RUNX1T1: variants seen among roughly 807,000 people sequenced by gnomAD.
The protein encoded by RUNX1T1 is RUNX1 partner transcriptional co-repressor 1.
RUNX1T1 carries 4 observed loss-of-function variants against 62.8 expected under a neutral mutation model. That is an observed-to-expected ratio of 0.06 (90% CI 0.03 to 0.15). The LOEUF (loss-of-function observed/expected upper bound fraction) is 0.15. Ranked by LOEUF, RUNX1T1 falls within the 10% of genes least tolerant of loss-of-function variation. The pLI, the probability that RUNX1T1 is intolerant of heterozygous loss-of-function variation, is 1.00. For synonymous variants in RUNX1T1, 291 were observed against 286.0 expected (o/e 1.02, Z -0.18); for missense variants, 508 against 754.3 (o/e 0.67, Z 3.82).
intron 3 of RUNX1T1, among the ~76,000 whole-genome samples, chr8:92,013,528 T>TAG (rs1186589391): frequency 2.6e-5 from 4 of 152,080 alleles, no homozygotes; most frequent in African/African-American, 9.7e-5. Context: ...TAAAAATAAA[T>TAG]AATCTATTTC....
chr8:92,032,858 T>C (rs1162814330), intron 1 of RUNX1T1, among the ~76,000 whole-genome samples: 3 of 152,010 alleles, frequency 2.0e-5, no homozygotes, highest in Non-Finnish European at 4.4e-5. Context: ...AGAACACAAA[T>C]AGAAAATGTA....
At chr8:92,009,068 CA>C (rs1054594916) in intron 4 of RUNX1T1, among the ~76,000 whole-genome samples, 1 of 152,170 alleles carries the variant, frequency 6.6e-6, no homozygotes, top group African/African-American at 2.4e-5. Flanking sequence ...CCTCCAGTTT[CA>C]AATTTAAACG....
intron 1 of RUNX1T1, among the ~76,000 whole-genome samples, chr8:92,087,208 C>A (rs1836264416): frequency 1.3e-5 from 2 of 152,146 alleles, no homozygotes; most frequent in Admixed American, 1.3e-4. Context: ...CTGAGGCACT[C>A]CACAGGACAC....
intron 1 of RUNX1T1, among the ~76,000 whole-genome samples, chr8:92,048,001 C>T (rs1301329577): frequency 1.3e-5 from 2 of 152,156 alleles, no homozygotes; most frequent in South Asian, 2.1e-4. Flanking sequence ...AATTTTTTTA[C>T]AACTCCATTG....
At chr8:92,075,095 C>T (rs1834222673) in intron 2 of RUNX1T1, among the ~76,000 whole-genome samples, 1 of 152,222 alleles carries the variant, frequency 6.6e-6, no homozygotes, top group Admixed American at 6.5e-5. Flanking sequence ...GAACAGTGGT[C>T]ACCAAGGGTG....
At chr8:92,019,174 T>C (rs1823595913) in intron 1 of RUNX1T1, 2 of 152,170 alleles carry the variant, frequency 1.3e-5, no homozygotes, top group South Asian at 4.1e-4. Flanking sequence ...CCCACTTATG[T>C]TGCAGCTGAG....
intron 1 of RUNX1T1, among the ~76,000 whole-genome samples, chr8:92,078,362 T>C (rs1175023472): frequency 1.3e-5 from 2 of 152,160 alleles, no homozygotes; most frequent in African/African-American, 2.4e-5. Flanking sequence ...CTGAGACCTA[T>C]TCCGCACTGA....
intron 7 of RUNX1T1, 87 bp downstream of exon 8, chr8:91,986,800 G>T: frequency 1.1e-6 from 1 of 872,802 alleles, no homozygotes; most frequent in East Asian, 2.4e-5. Context: ...GCCTTCAAAG[G>T]ATCACCAAGC....
intron 3 of RUNX1T1, 134 bp from the exon 5 acceptor site, chr8:92,011,225 A>G (rs139805070): frequency 1.7e-6 from 1 of 594,396 alleles, no homozygotes; most frequent in African/African-American, 1.9e-5. Context: ...CAGTATTTTC[A>G]ATAAAACCTA....
intron 1 of RUNX1T1, among the ~76,000 whole-genome samples, chr8:92,092,385 G>A (rs1231525481): frequency 1.3e-5 from 2 of 152,102 alleles, no homozygotes; most frequent in African/African-American, 4.8e-5. Flanking sequence ...TTGATTAGCA[G>A]TACTATAGAA....
intron 1 of RUNX1T1, among the ~76,000 whole-genome samples, chr8:92,020,051 G>A (rs1382361790): frequency 6.6e-6 from 1 of 152,152 alleles, no homozygotes; most frequent in African/African-American, 2.4e-5. Flanking sequence ...GCTTCACTCT[G>A]ATCAAATGGA....
intron 1 of RUNX1T1, among the ~76,000 whole-genome samples, chr8:92,062,129 G>C (rs78748539): frequency 0.01 from 1,533 of 152,262 alleles, 23 homozygotes; most frequent in African/African-American, 0.035. Context: ...TTTTTAAAGA[G>C]ATCTTATTCC....
upstream of RUNX1T1, among the ~76,000 whole-genome samples, chr8:92,066,824 A>G (rs546027690): frequency 6.6e-6 from 1 of 152,358 alleles, no homozygotes; most frequent in African/African-American, 2.4e-5. Flanking sequence ...AGTGGGATAG[A>G]GGGGGAAAGA....
chr8:92,076,847 CCTA>C (rs1834503101), intron 1 of RUNX1T1, among the ~76,000 whole-genome samples: 1 of 151,988 alleles, frequency 6.6e-6, no homozygotes, highest in Non-Finnish European at 1.5e-5. Context: ...CTATTCCTCA[CCTA>C]CTATGATTAA....
intron 1 of RUNX1T1, among the ~76,000 whole-genome samples, chr8:92,082,182 G>A (rs1835380718): frequency 6.6e-6 from 1 of 152,146 alleles, no homozygotes; most frequent in South Asian, 2.1e-4. Flanking sequence ...ACCGCGCCTG[G>A]CCTAAGTTGT....
intron 8 of RUNX1T1, among the ~76,000 whole-genome samples, chr8:91,978,273 T>C (rs890491887): frequency 6.6e-6 from 1 of 152,158 alleles, no homozygotes; most frequent in Non-Finnish European, 1.5e-5. Context: ...AGTTTGTCCA[T>C]GTCTCAGATG....
At chr8:92,051,353 C>T (rs116387379) in intron 1 of RUNX1T1, among the ~76,000 whole-genome samples, 2,178 of 152,100 alleles carry the variant, frequency 0.014, 57 homozygotes, top group African/African-American at 0.049. Flanking sequence ...AGGAGGACAA[C>T]CATACAAATG....
At chr8:92,017,590 C>A in intron 1 of RUNX1T1, 1 of 1,401,914 alleles carries the variant, frequency 7.1e-7, no homozygotes, top group Non-Finnish European at 9.3e-7. Context: ...TATATTATAT[C>A]CTATTGTTAT....
intron 6 of RUNX1T1, among the ~76,000 whole-genome samples, chr8:91,990,645 C>CT (rs34688927): frequency 0.24 from 34,707 of 145,500 alleles, 4,336 homozygotes; most frequent in African/African-American, 0.32. Context: ...TGCTTTACTA[C>CT]TTTTTTTTTT....
Sources: allele counts gnomAD v4.1 joint callset (sites outside exome capture counted in the v4.1 genomes callset), GRCh38; gene constraint gnomAD v4.1.1; transcripts MANE v1.5; gene names NCBI Gene and HGNC (gene_info 2026-07-23, HGNC 2026-07-21).